Variants in SIK3 observed in about 807,000 individuals in gnomAD.
SIK3 encodes the protein serine/threonine-protein kinase SIK3.
In SIK3, 28 loss-of-function variants were observed where a neutral mutation model predicts 144.2. That is an observed-to-expected ratio of 0.19 (90% CI 0.14 to 0.27). The LOEUF is 0.27. SIK3 is among the 10% of genes least tolerant of loss of function. The probability of loss-of-function intolerance (pLI) is 1.00; values close to 1 mark genes in which losing one functional copy is unlikely to be tolerated. For synonymous variants in SIK3, 686 were observed against 676.3 expected, an observed-to-expected ratio of 1.01 and a Z score of -0.22; for missense variants, 1,319 against 1,776.0, an observed-to-expected ratio of 0.74 and a Z score of 4.62.
intron 1 of SIK3, among the ~76,000 whole-genome samples, chr11:117,057,224 C>T (rs1180017621): frequency 6.6e-6 from 1 of 152,162 alleles, no homozygotes; most frequent in Non-Finnish European, 1.5e-5. Context: ...TAGCAGTTGA[C>T]ACCTGGAAGT....
At chr11:116,966,735 TA>T (rs1565508814) in intron 1 of SIK3, among the ~76,000 whole-genome samples, 1 of 151,886 alleles carries the variant, frequency 6.6e-6, no homozygotes, top group Admixed American at 6.6e-5. Context: ...AATTAAACTA[TA>T]AAAAATGAAA....
chr11:117,077,920 A>G (rs1388344403), intron 1 of SIK3, among the ~76,000 whole-genome samples: 1 of 152,238 alleles, frequency 6.6e-6, no homozygotes, highest in African/African-American at 2.4e-5. Flanking sequence ...TTCTAGCTTA[A>G]TAATTCTAAA....
chr11:117,043,483 C>G (rs183651190), intron 1 of SIK3, among the ~76,000 whole-genome samples: 1 of 152,170 alleles, frequency 6.6e-6, no homozygotes, highest in Non-Finnish European at 1.5e-5. Context: ...ATATTCAACA[C>G]ATGTAACTAA....
intron 1 of SIK3, among the ~76,000 whole-genome samples, chr11:117,065,497 T>A (rs1953970398): frequency 6.6e-6 from 1 of 152,182 alleles, no homozygotes; most frequent in Admixed American, 6.5e-5. Context: ...AACCTGGCAC[T>A]GTATTTCATT....
At chr11:117,080,634 C>T (rs977873747) in intron 1 of SIK3, among the ~76,000 whole-genome samples, 4 of 152,048 alleles carry the variant, frequency 2.6e-5, no homozygotes, top group East Asian at 1.9e-4. Context: ...AAACAACTTA[C>T]GTAAAATTTG....
At chr11:116,988,707 T>C (rs1032062063) in intron 1 of SIK3, among the ~76,000 whole-genome samples, 2 of 151,876 alleles carry the variant, frequency 1.3e-5, no homozygotes, top group Non-Finnish European at 2.9e-5. Context: ...GGTGGAAGGA[T>C]TGCTTGAGTC....
chr11:116,957,343 A>G (rs983669520), intron 1 of SIK3, among the ~76,000 whole-genome samples: 4 of 151,966 alleles, frequency 2.6e-5, no homozygotes, highest in Admixed American at 6.6e-5. Context: ...ATACTTTATT[A>G]CTCCATAGAT....
chr11:117,055,763 T>C (rs1953487948), intron 1 of SIK3, among the ~76,000 whole-genome samples: 1 of 152,214 alleles, frequency 6.6e-6, no homozygotes, highest in Admixed American at 6.5e-5. Context: ...AAGACATCAT[T>C]AAGTCATGAG....
intron 6 of SIK3, among the ~76,000 whole-genome samples, chr11:116,878,369 TTC>T (rs1364858001): frequency 1.3e-5 from 2 of 149,822 alleles, no homozygotes; most frequent in Non-Finnish European, 3.0e-5. Flanking sequence ...AGGCTCCTAC[TTC>T]TCTCTCTCCC....
chr11:116,902,146 TCTAGAAGAATCATGG>T (rs1273002332), intron 4 of SIK3, among the ~76,000 whole-genome samples: 23 of 152,318 alleles, frequency 1.5e-4, no homozygotes, highest in African/African-American at 5.5e-4. Flanking sequence ...GATAACAAAC[TCTAGAAGAATCATGG>T]CTAGAAGAAT....
At chr11:116,925,084 C>A (rs902304160) in intron 4 of SIK3, among the ~76,000 whole-genome samples, 25 of 152,102 alleles carry the variant, frequency 1.6e-4, no homozygotes, top group African/African-American at 5.8e-4. Context: ...AGTTCGAGAC[C>A]AGCACGGCCA....
chr11:117,096,063 C>T (rs981186814), intron 1 of SIK3, among the ~76,000 whole-genome samples: 2 of 152,186 alleles, frequency 1.3e-5, no homozygotes, highest in African/African-American at 2.4e-5. Flanking sequence ...GAAAAACACA[C>T]GCACGCACAT....
chr11:116,895,602 A>G (rs1945356567), intron 6 of SIK3, among the ~76,000 whole-genome samples: 2 of 152,206 alleles, frequency 1.3e-5, no homozygotes, highest in African/African-American at 4.8e-5. Flanking sequence ...CGTTCTCTAA[A>G]ATGTTCCCTT....
chr11:116,968,947 T>A (rs899889416), intron 1 of SIK3, among the ~76,000 whole-genome samples: 2 of 152,262 alleles, frequency 1.3e-5, no homozygotes, highest in East Asian at 3.9e-4. Flanking sequence ...CCCTAATTCA[T>A]TGCCAATGAG....
chr11:117,047,679 C>T (rs1437467554), intron 1 of SIK3, among the ~76,000 whole-genome samples: 6 of 152,096 alleles, frequency 3.9e-5, no homozygotes, highest in Non-Finnish European at 8.8e-5. Flanking sequence ...TGTGGTGGCT[C>T]ATGCCTGTAA....
intron 1 of SIK3, among the ~76,000 whole-genome samples, chr11:117,012,848 G>T (rs1461937713): frequency 6.6e-5 from 6 of 91,152 alleles, no homozygotes; most frequent in South Asian, 6.5e-4. Flanking sequence ...TGCCATTACT[G>T]CTTTTTTTTT....
chr11:116,965,832 G>A (rs2921655), intron 1 of SIK3, among the ~76,000 whole-genome samples: 6 of 146,212 alleles, frequency 4.1e-5, no homozygotes, highest in African/African-American at 1.3e-4. Flanking sequence ...CTACTTGGGA[G>A]ACTAAGGCAG....
At chr11:116,896,103 C>T in intron 6 of SIK3, 150 bp downstream of exon 6, 1 of 1,016,902 alleles carries the variant, frequency 9.8e-7, no homozygotes, top group Non-Finnish European at 1.4e-6. Context: ...TTCTACAGAA[C>T]CTTGCCTCCT....
chr11:117,016,817 T>C (rs1329383868), intron 1 of SIK3, among the ~76,000 whole-genome samples: 1 of 152,110 alleles, frequency 6.6e-6, no homozygotes, highest in Admixed American at 6.6e-5. Flanking sequence ...GGTGAGGAAA[T>C]GTTCTCAGCT....
Sources: gnomAD v4.1 joint callset for allele counts (sites outside exome capture counted in the v4.1 genomes callset) on GRCh38, gnomAD v4.1.1 for gene constraint, MANE v1.5 for transcripts, NCBI Gene and HGNC (gene_info 2026-07-23, HGNC 2026-07-21) for gene names.